STIL: variants seen among roughly 807,000 people sequenced by gnomAD.
The protein encoded by STIL is SCL-interrupting locus protein.
A neutral mutation model predicts 110.1 loss-of-function variants in STIL; 55 were observed. The ratio of observed to expected loss-of-function variants is 0.50; its 90% CI spans 0.40 to 0.63. The LOEUF (loss-of-function observed/expected upper bound fraction) is 0.63. STIL is among the 20% of genes least tolerant of loss of function. The pLI, the probability that STIL is intolerant of heterozygous loss-of-function variation, is 0.00. For synonymous variants in STIL, 481 were observed against 530.0 expected, an observed-to-expected ratio of 0.91 and a Z score of 1.27; for missense variants, 1,358 against 1,530.0, an observed-to-expected ratio of 0.89 and a Z score of 1.87.
intron 16 of STIL, among the ~76,000 whole-genome samples, chr1:47,257,394 T>C (rs1008987493): frequency 2.0e-5 from 3 of 152,088 alleles, no homozygotes; most frequent in African/African-American, 7.2e-5. Context: ...CTCAAAAAGC[T>C]GAGGCAGGAG....
intron 5 of STIL, among the ~76,000 whole-genome samples, 163 bp downstream of exon 5, chr1:47,301,396 TAG>T (rs1475980575): frequency 6.6e-6 from 1 of 152,210 alleles, no homozygotes; most frequent in African/African-American, 2.4e-5. Context: ...ATCGCTTACC[TAG>T]AGTTTTTGCC....
At chr1:47,281,360 G>T in intron 11 of STIL, 151 bp from the exon 12 acceptor site, 1 of 875,246 alleles carries the variant, frequency 1.1e-6, no homozygotes, top group Non-Finnish European at 1.7e-6. Context: ...TTTTTTCTGG[G>T]CATGTTTTAT....
Position 47,251,082 on chromosome 1 carries a change from A to G in STIL, c.*54T>C. On this transcript the variant is annotated 3_prime_UTR_variant, in exon 17 of 17. Transcript: ENST00000371877. Reference sequence around the variant, plus strand: ...TTGTGGTAGGCTCCTGTTTTCCCTAAGTATCTTCAGGAGACACCCTGTCCC... The same window carrying G: ...TTGTGGTAGGCTCCTGTTTTCCCTAGGTATCTTCAGGAGACACCCTGTCCC... 1 of 1,549,390 alleles carries G rather than the reference A, an allele frequency of 6.5e-7. No individual in the cohort carries two copies.
chr1:47,260,126 T>C (rs1644440810), intron 16 of STIL, among the ~76,000 whole-genome samples, 163 bp downstream of exon 16: 2 of 152,220 alleles, frequency 1.3e-5, no homozygotes, highest in African/African-American at 2.4e-5. Flanking sequence ...AGGCCCTGAA[T>C]AAATCGTGAA....
In STIL at chr1:47,287,678, A is replaced by G. The variant is rs1267795057; in HGVS notation, c.1024-18T>C. 8 of 1,575,310 alleles carry G rather than the reference A, an allele frequency of 5.1e-6. No homozygotes were observed. Among genetic ancestry groups the G allele is most frequent in the South Asian group, 1.1e-5 (1 of 90,138 alleles). On this transcript the variant is annotated intron_variant, in intron 9 of 16. Coordinates refer to ENST00000371877, the MANE Select transcript of STIL (RefSeq NM_001048166.1). ...TCAACATTCTGAAATGAAGTAGGTCATATTTTGAGATCTGACTTAAATAAG... is the reference window on the plus strand; with the variant it reads ...TCAACATTCTGAAATGAAGTAGGTCGTATTTTGAGATCTGACTTAAATAAG...
Position 47,258,992 on chromosome 1 carries a change from C to CTTTTTT in STIL, c.3080+1291_3080+1296dup, listed in dbSNP as rs549227243. On this transcript the variant is annotated intron_variant, in intron 16 of 16. Transcript: ENST00000371877. ...GAAATGGTTAAGAGAAGTAACTTTG[C>CTTTTTT]TTTTTTTTTTTTTTGAGACAGTCTT... is the stretch of plus-strand genomic sequence containing the variant. Among the ~76,000 whole-genome samples, 397 of 94,416 alleles carry CTTTTTT rather than the reference C, an allele frequency of 4.2e-3. 49 individuals are homozygous for CTTTTTT. The highest frequency in any genetic ancestry group is 0.017 in the African/African-American group (381 of 21,774). The allele number at this position is 94,416 out of a possible 152,430, so 61.9% of individuals were successfully genotyped here. A position where few individuals can be genotyped will look rare whatever the true frequency, so the allele number is the denominator to read the frequency against.
chr1:47,294,698 A>G (rs1645591999), intron 7 of STIL, among the ~76,000 whole-genome samples: 1 of 152,250 alleles, frequency 6.6e-6, no homozygotes. Flanking sequence ...ACATGTATAC[A>G]TATATAAAAA....
Position 47,262,964 on chromosome 1 carries a change from T to C in STIL, c.2768A>G (p.His923Arg), listed in dbSNP as rs753446836. 5 of 1,614,078 alleles carry C rather than the reference T, an allele frequency of 3.1e-6. No homozygotes were observed. The highest frequency in any genetic ancestry group is 4.2e-6 in the Non-Finnish European group (5 of 1,180,034). The change falls in exon 15 of 17, where the codon CAT becomes CGT. Residue 923 changes from histidine (H) to arginine (R), a missense_variant. Coordinates refer to ENST00000371877, the MANE Select transcript of STIL (RefSeq NM_001048166.1). Reference sequence around the variant, plus strand: ...TTGATGAAGCAAGGGTTGCATTACATGCTCAATTTTTGGTTCCTCTGATGT... The same window carrying C: ...TTGATGAAGCAAGGGTTGCATTACACGCTCAATTTTTGGTTCCTCTGATGT... ...SETSEEPKIE[H>R]VMQPLLHQPS...
intron 7 of STIL, among the ~76,000 whole-genome samples, chr1:47,294,614 G>A (rs538170816): frequency 6.6e-6 from 1 of 152,350 alleles, no homozygotes; most frequent in Non-Finnish European, 1.5e-5. Flanking sequence ...GAACCCCAGA[G>A]ATTGAGGCTG....
rs780799253 is a variant in STIL, at chr1:47,281,229, AG to A, written c.1249-21del. 15 of 1,605,342 alleles carry A rather than the reference AG, an allele frequency of 9.3e-6. No homozygotes were observed. The South Asian group carries it at 1.6e-4, about 17-fold the overall frequency. On this transcript the variant is annotated intron_variant, in intron 11 of 16. Transcript: ENST00000371877. ...AGAAATCTACAAATAAGAAAGAAAT[AG>A]AAAAAAAAAGTATTTTTTTGGAGAA...
At chr1:47,300,888 T>C (rs1448577700) in intron 5 of STIL, among the ~76,000 whole-genome samples, 1 of 152,224 alleles carries the variant, frequency 6.6e-6, no homozygotes, top group Non-Finnish European at 1.5e-5. Context: ...GTGTCCTTCC[T>C]AGTTTCACTG....
chr1:47,306,268 T>TA lies in STIL; in HGVS notation c.45-1273_45-1272insT, dbSNP rs1645959464. Among the ~76,000 whole-genome samples, 3 of 145,142 alleles carry TA rather than the reference T, an allele frequency of 2.1e-5. No individual in the cohort carries two copies. In the South Asian group the frequency reaches 6.4e-4, roughly 31 times the overall value. On this transcript the variant is annotated intron_variant, in intron 2 of 16. Transcript: ENST00000371877. ...CTAAAATCTTTCTTTTCTTTCCTTT[T>TA]TTTTTTTTTTTTTTAAAGAGCAGGG...
rs192539631 is a variant in STIL at position 47,297,731 on chromosome 1, G to C, written c.702-1883C>G. 3.3e-5 allele frequency among the ~76,000 whole-genome samples: 5 copies of C among 152,092 alleles called. No homozygotes were observed. The East Asian group carries it at 9.7e-4, about 30-fold the overall frequency. ...CTCTCCCAAGCAGCTGGGATTACAG[G>C]TGTGTGTCAATGTACCTGGCATGGC... On this transcript the variant is annotated intron_variant, in intron 6 of 16. Transcript: ENST00000371877.
chr1:47,302,048 C>T (rs1046170142), intron 4 of STIL, among the ~76,000 whole-genome samples, 186 bp downstream of exon 4: 1 of 152,060 alleles, frequency 6.6e-6, no homozygotes, highest in Non-Finnish European at 1.5e-5. Context: ...AATAGTTGGC[C>T]GAATCAATAA....
intron 12 of STIL, among the ~76,000 whole-genome samples, chr1:47,277,054 T>C (rs2821096): frequency 0.42 from 63,488 of 151,848 alleles, 15,440 homozygotes; most frequent in South Asian, 0.55. Context: ...CAAGTACTAT[T>C]CAAGGTGCTA....
Position 47,283,333 on chromosome 1 carries a change from T to C in STIL, c.1134-874A>G, listed in dbSNP as rs1286522256. 4.6e-5 allele frequency: 7 copies of C among 152,196 alleles called. No homozygotes were observed. The South Asian group carries it at 1.4e-3, about 31-fold the overall frequency. The allele number at this position is 152,196 out of a possible 1,614,324, so 9.4% of individuals were successfully genotyped here. ...GTAGACCTTCACAGAGTTCTTTCTGTACAAGGTATTACAATGAAGCAATCA... is the reference window on the plus strand; with the variant it reads ...GTAGACCTTCACAGAGTTCTTTCTGCACAAGGTATTACAATGAAGCAATCA... On this transcript the variant is annotated intron_variant, in intron 10 of 16. Transcript: ENST00000371877.
At chr1:47,307,007 C>T (rs111786531) in intron 2 of STIL, among the ~76,000 whole-genome samples, 6 of 152,196 alleles carry the variant, frequency 3.9e-5, no homozygotes, top group African/African-American at 1.4e-4. Flanking sequence ...CAAAATTAGC[C>T]AGGTGTGGTG....
chr1:47,286,835 C>T (rs3125641), intron 10 of STIL, among the ~76,000 whole-genome samples: 87,285 of 151,902 alleles, frequency 0.57, 27,199 homozygotes, highest in African/African-American at 0.83. Context: ...ATGTCTTTTA[C>T]TGTACATTTC....
At chr1:47,270,255 TACACACACACACACACACAC>T (rs56253074) in intron 13 of STIL, among the ~76,000 whole-genome samples, 1 of 119,398 alleles carries the variant, frequency 8.4e-6, no homozygotes, top group African/African-American at 3.3e-5. Flanking sequence ...TATATATATA[TACACACACACACACACACAC>T]ACACACACAC....
Sources: gnomAD v4.1 joint callset for allele counts (sites outside exome capture counted in the v4.1 genomes callset) on GRCh38, gnomAD v4.1.1 for gene constraint, MANE v1.5 for transcripts, NCBI Gene and HGNC (gene_info 2026-07-23, HGNC 2026-07-21) for gene names.